Variants in HOMER1 observed in about 807,000 individuals in gnomAD.
HOMER1 encodes homer scaffold protein 1.
Under a neutral mutation model 48.9 loss-of-function variants are expected in HOMER1, and 3 were observed. The observed-to-expected ratio is 0.06, with a 90% CI of 0.03 to 0.16. The LOEUF (loss-of-function observed/expected upper bound fraction) is 0.16, where lower values mean the gene tolerates loss of function less well. HOMER1 is among the 10% of genes least tolerant of loss of function. HOMER1 has a pLI of 1.00. For missense variants in HOMER1, 247 were observed against 411.4 expected, an observed-to-expected ratio of 0.60 and a Z score of 3.46; for synonymous variants, 134 against 146.4, an observed-to-expected ratio of 0.92 and a Z score of 0.61.
intron 5 of HOMER1, among the ~76,000 whole-genome samples, chr5:79,430,451 C>T (rs978794646): frequency 6.6e-6 from 1 of 152,214 alleles, no homozygotes; most frequent in Non-Finnish European, 1.5e-5. Context: ...AGCTGCTTTG[C>T]AGTTCCTCCA....
chr5:79,389,018 G>A (rs905550688), intron 8 of HOMER1, among the ~76,000 whole-genome samples: 7 of 151,946 alleles, frequency 4.6e-5, no homozygotes, highest in Non-Finnish European at 1.0e-4. Context: ...AATGTATTTC[G>A]TGAAATATTC....
intron 8 of HOMER1, among the ~76,000 whole-genome samples, chr5:79,388,869 C>T (rs1264581249): frequency 1.3e-5 from 2 of 151,852 alleles, no homozygotes; most frequent in Admixed American, 6.6e-5. Flanking sequence ...AAGATTGGAG[C>T]TCCTGAAGAA....
chr5:79,383,994 A>G (rs1016858684), intron 8 of HOMER1, among the ~76,000 whole-genome samples: 3 of 152,086 alleles, frequency 2.0e-5, no homozygotes, highest in Admixed American at 1.3e-4. Context: ...CATGTGACAC[A>G]GCAAAAGTAA....
chr5:79,408,713 C>T (rs1048921311), intron 5 of HOMER1, among the ~76,000 whole-genome samples: 2 of 151,930 alleles, frequency 1.3e-5, no homozygotes, highest in African/African-American at 4.8e-5. Flanking sequence ...TTATACAATA[C>T]CAAAAACATG....
At chr5:79,450,940 A>G (rs372920504) in intron 3 of HOMER1, 50 bp downstream of exon 3, 1 of 1,561,240 alleles carries the variant, frequency 6.4e-7, no homozygotes, top group African/African-American at 1.4e-5. Context: ...TATTTAAGAT[A>G]TACGACTTGA....
chr5:79,458,871 C>G (rs1167197187), intron 1 of HOMER1, among the ~76,000 whole-genome samples: 1 of 152,202 alleles, frequency 6.6e-6, no homozygotes, highest in Non-Finnish European at 1.5e-5. Flanking sequence ...TCCCCATCCT[C>G]AACCATTGAC....
intron 1 of HOMER1, chr5:79,510,380 A>T: frequency 1.8e-6 from 1 of 564,572 alleles, no homozygotes; most frequent in South Asian, 1.5e-5. Flanking sequence ...TATTAAATTC[A>T]TCCTGTCTCT....
At chr5:79,421,820 C>A (rs1490963231) in intron 5 of HOMER1, among the ~76,000 whole-genome samples, 1 of 152,084 alleles carries the variant, frequency 6.6e-6, no homozygotes, top group African/African-American at 2.4e-5. Flanking sequence ...GTTGGCCACA[C>A]TGGTCTCAAA....
At chr5:79,478,938 C>T (rs1331885860) in intron 1 of HOMER1, among the ~76,000 whole-genome samples, 3 of 150,902 alleles carry the variant, frequency 2.0e-5, no homozygotes, top group Admixed American at 6.6e-5. Flanking sequence ...GGTGACAAAG[C>T]GAGACTCCGT....
chr5:79,513,035 ACT>A lies in HOMER1; in HGVS notation c.-263_-262del. 1.8e-6 allele frequency: 1 copy of A among 542,176 alleles called. No individual in the cohort carries two copies. The highest frequency in any genetic ancestry group is 3.3e-6 in the Non-Finnish European group (1 of 305,548). The allele number at this position is 542,176 out of a possible 1,614,324, so 33.6% of individuals were successfully genotyped here. A position where few individuals can be genotyped will look rare whatever the true frequency, so the allele number is the denominator to read the frequency against. ...TGCTTTGCGGAGGAGACAGCGATCAACTCTATTCCACAAAATGAGTCTACAAG... is the reference window on the plus strand; with the variant it reads ...TGCTTTGCGGAGGAGACAGCGATCAACTATTCCACAAAATGAGTCTACAAG... On this transcript the variant is annotated 5_prime_UTR_variant, in exon 1 of 9. Transcript: ENST00000334082.
chr5:79,439,197 A>G, intron 4 of HOMER1, 48 bp from the exon 5 acceptor site: 5 of 1,591,360 alleles, frequency 3.1e-6, no homozygotes, highest in Non-Finnish European at 4.3e-6. Context: ...CTTTTGTTAA[A>G]GTACACAATA....
intron 1 of HOMER1, among the ~76,000 whole-genome samples, chr5:79,481,823 C>T (rs1751954287): frequency 6.6e-6 from 1 of 152,232 alleles, no homozygotes; most frequent in Non-Finnish European, 1.5e-5. Context: ...CAGTAAAAGG[C>T]TGCTCTGGTC....
At chr5:79,389,694 T>G (rs1284865298) in intron 8 of HOMER1, among the ~76,000 whole-genome samples, 1 of 152,196 alleles carries the variant, frequency 6.6e-6, no homozygotes, top group Non-Finnish European at 1.5e-5. Context: ...CGCCCGTACC[T>G]TGACCTCGGC....
In HOMER1 at chr5:79,439,021, T is replaced by C. The variant is rs763231917; in HGVS notation, c.516A>G (p.Pro172=). 24 of 1,613,550 alleles carry C rather than the reference T, an allele frequency of 1.5e-5. No individual in the cohort carries two copies. The highest frequency in any genetic ancestry group is 9.9e-5 in the South Asian group (9 of 91,072). The change falls in exon 5 of 9, where the codon CCA becomes CCG. Residue 172 remains proline (P), a synonymous_variant. Transcript: ENST00000334082. ...PRAEPTQNAL[P]FSHSSAISKH... ...AATTGAATCTGTACCTATGTGAAAA[T>C]GGCAATGCATTCTGAGTTGGTTCAG...
chr5:79,491,438 CAAAAAAA>C (rs56778843), intron 1 of HOMER1, among the ~76,000 whole-genome samples: 5 of 57,708 alleles, frequency 8.7e-5, no homozygotes, highest in East Asian at 6.2e-4. Flanking sequence ...GACCTTGTCT[CAAAAAAA>C]AAAAAAAAAA....
chr5:79,483,042 C>A (rs1751991178), intron 1 of HOMER1, among the ~76,000 whole-genome samples: 1 of 151,728 alleles, frequency 6.6e-6, no homozygotes, highest in Admixed American at 6.6e-5. Flanking sequence ...AAAAAATGTC[C>A]AAATCTGATA....
At chr5:79,491,029 C>T (rs1019010185) in intron 1 of HOMER1, among the ~76,000 whole-genome samples, 10 of 109,394 alleles carry the variant, frequency 9.1e-5, no homozygotes, top group Non-Finnish European at 1.2e-4. Context: ...TGGAAGGGAA[C>T]AGATATATTC....
intron 6 of HOMER1, among the ~76,000 whole-genome samples, chr5:79,398,696 G>A (rs376064323): frequency 1.5e-4 from 22 of 151,712 alleles, no homozygotes; most frequent in African/African-American, 5.1e-4. Flanking sequence ...TCTTTTTTAC[G>A]GTATCAGATC....
At chr5:79,502,738 G>A (rs1273518430) in intron 1 of HOMER1, among the ~76,000 whole-genome samples, 3 of 152,128 alleles carry the variant, frequency 2.0e-5, no homozygotes, top group Non-Finnish European at 2.9e-5. Context: ...GTTAACCCTT[G>A]AACAATTTGT....
Sources: allele counts gnomAD v4.1 joint callset (sites outside exome capture counted in the v4.1 genomes callset), GRCh38; gene constraint gnomAD v4.1.1; transcripts MANE v1.5; gene names NCBI Gene and HGNC (gene_info 2026-07-23, HGNC 2026-07-21).